COL4A2: variants seen among roughly 807,000 people sequenced by gnomAD.
COL4A2 encodes collagen type IV alpha 2 chain.
In COL4A2, 99 loss-of-function variants were observed where a neutral mutation model predicts 200.2. The ratio of observed to expected loss-of-function variants is 0.49; its 90% CI spans 0.42 to 0.58. The LOEUF (loss-of-function observed/expected upper bound fraction) is 0.58. COL4A2 is among the 20% of genes least tolerant of loss of function. The pLI is 0.00. For missense variants in COL4A2, 1,950 were observed against 2,314.1 expected (o/e 0.84, Z 3.23); for synonymous variants, 897 against 900.6 (o/e 1.00, Z 0.07).
intron 21 of COL4A2, chr13:110,457,777 G>A: frequency 2.0e-6 from 1 of 489,408 alleles, no homozygotes; most frequent in South Asian, 1.5e-5. Flanking sequence ...TGTCTCAAGG[G>A]CTCAGCTCCA....
intron 28 of COL4A2, among the ~76,000 whole-genome samples, chr13:110,471,436 A>C (rs1056612097): frequency 1.3e-5 from 2 of 152,210 alleles, no homozygotes; most frequent in African/African-American, 2.4e-5. Context: ...GTGCTGAAAT[A>C]TACTGCCCTT....
Position 110,491,302 on chromosome 13 carries a change from C to A in COL4A2, c.3416C>A (p.Thr1139Asn), listed in dbSNP as rs906087740. 2 of 1,597,556 alleles carry A rather than the reference C, an allele frequency of 1.3e-6. No homozygotes were observed. The highest frequency in any genetic ancestry group is 3.4e-5 in the Admixed American group (2 of 58,444). Reference protein sequence around the residue: ...DIGFPGITGVTGVQGPPGLKG... With the variant: ...DIGFPGITGVNGVQGPPGLKG... ...GGCTTCCCTGGGATAACAGGCGTGA[C>A]TGGAGTCCAAGGCCCTCCTGGACTT... The change falls in exon 37 of 48, where the codon ACT becomes AAT. Residue 1139 changes from threonine (T) to asparagine (N), a missense_variant. Around this residue, in one of 2 missense-constraint regions of COL4A2, gnomAD observed 1,385 missense variants for 1,720.5 expected, o/e 0.80. Transcript: ENST00000360467.
At chr13:110,373,364 C>T (rs188697878) in intron 4 of COL4A2, among the ~76,000 whole-genome samples, 2 of 152,282 alleles carry the variant, frequency 1.3e-5, no homozygotes, top group Admixed American at 6.5e-5. Flanking sequence ...ATCTTAAGAA[C>T]GTTTTAAATC....
At position 110,508,031 on chromosome 13, in the gene COL4A2, C is replaced by A. The variant is rs775127177; in HGVS notation, c.4691C>A (p.Ser1564Tyr). The A allele has an allele frequency of 1.1e-5, 17 of 1,614,136 alleles. No homozygotes were observed. The highest frequency in any genetic ancestry group is 1.4e-5 in the Non-Finnish European group (17 of 1,180,046). ...TACTATGCCAGCCGGAACGACAAGT[C>A]CTACTGGCTCTCTACCACTGCGCCG... ...VCYYASRNDK[S>Y]YWLSTTAPLP... is the part of the protein sequence containing the mutation. The change falls in exon 47 of 48, where the codon TCC (serine) becomes TAC (tyrosine). Residue 1564 changes from serine (S) to tyrosine (Y), a missense_variant. Around this residue, in one of 2 missense-constraint regions of COL4A2, gnomAD observed 1,385 missense variants for 1,720.5 expected, o/e 0.80. Transcript: ENST00000360467. The surrounding 1 kb of genome is among the most constrained non-coding windows in gnomAD (Gnocchi z 6.1).
At chr13:110,489,350 C>T (rs1435716832) in intron 34 of COL4A2, 95 bp from the exon 35 acceptor site, 22 of 1,208,058 alleles carry the variant, frequency 1.8e-5, no homozygotes, top group Admixed American at 6.9e-5. Flanking sequence ...TGAGTATTGT[C>T]GTTAGCATAC....
In COL4A2 at chr13:110,493,286, C is replaced by T. The variant is rs2274544; in HGVS notation, c.3634+4C>T. On this transcript the variant is annotated splice_donor_region_variant and intron_variant, in intron 39 of 47. Transcript: ENST00000360467. The stretch of plus-strand genomic sequence containing the variant: ...AAGGGCTTTCCAGGATCCCCAGGTA[C>T]TCTGTGCCGTCCCAGCCCCGAGTCC... 110,634 of 1,613,924 alleles carry T rather than the reference C, an allele frequency of 0.069. 5,526 individuals are homozygous for T. The highest frequency in any genetic ancestry group is 0.19 in the South Asian group (17,216 of 91,080).
At chr13:110,320,629 A>G (rs1885251312) in intron 3 of COL4A2, among the ~76,000 whole-genome samples, 1 of 152,242 alleles carries the variant, frequency 6.6e-6, no homozygotes, top group African/African-American at 2.4e-5. Context: ...TTCCCTCTGA[A>G]CAAAGTCTAA....
intron 16 of COL4A2, among the ~76,000 whole-genome samples, chr13:110,440,067 G>A (rs141923895): frequency 3.0e-4 from 45 of 152,132 alleles, no homozygotes; most frequent in Non-Finnish European, 5.3e-4. Context: ...CAAAGTGTCC[G>A]TCACTCGACC....
At chr13:110,430,651 G>A in intron 10 of COL4A2, 44 bp downstream of exon 10, 1 of 1,613,498 alleles carries the variant, frequency 6.2e-7, no homozygotes, top group South Asian at 1.1e-5. Flanking sequence ...CCATCGTCCG[G>A]TCATCCCTTC....
At position 110,512,301 on chromosome 13, in the gene COL4A2, A is replaced by C; in HGVS notation, c.*110A>C. The C allele has an allele frequency of 7.0e-7, 1 of 1,436,318 alleles. No individual in the cohort carries two copies. Among genetic ancestry groups the C allele is most frequent in the South Asian group, 1.5e-5 (1 of 67,904 alleles). The allele number at this position is 1,436,318 out of a possible 1,614,324, so 89.0% of individuals were successfully genotyped here. On this transcript the variant is annotated 3_prime_UTR_variant, in exon 48 of 48. Transcript: ENST00000360467. Reference sequence around the variant, plus strand: ...TTTCTTAAAAAAAAAAAAGTCTACCAAAGGAATTTGCATCCAGCAGCAGCA... The same window carrying C: ...TTTCTTAAAAAAAAAAAAGTCTACCCAAGGAATTTGCATCCAGCAGCAGCA...
intron 27 of COL4A2, among the ~76,000 whole-genome samples, chr13:110,467,807 G>A (rs1241566294): frequency 1.3e-5 from 2 of 152,244 alleles, no homozygotes; most frequent in Non-Finnish European, 2.9e-5. Context: ...ACCCTGAGAG[G>A]TGGCTCTATG....
chr13:110,465,178 T>C (rs928318917), intron 24 of COL4A2, among the ~76,000 whole-genome samples: 1 of 152,176 alleles, frequency 6.6e-6, no homozygotes, highest in Non-Finnish European at 1.5e-5. Flanking sequence ...AGCATGTACA[T>C]GTGCCTTCCA....
intron 40 of COL4A2, among the ~76,000 whole-genome samples, chr13:110,499,145 G>T (rs1883556580): frequency 6.6e-6 from 1 of 152,232 alleles, no homozygotes; most frequent in East Asian, 1.9e-4. Flanking sequence ...CAAAATATGG[G>T]AATAATTTGA....
At chr13:110,469,780 C>A (rs914781374) in intron 28 of COL4A2, among the ~76,000 whole-genome samples, 4 of 152,170 alleles carry the variant, frequency 2.6e-5, no homozygotes, top group African/African-American at 7.2e-5. Context: ...GTGAGGAGTA[C>A]CCACTTGCGT....
intron 18 of COL4A2, among the ~76,000 whole-genome samples, chr13:110,447,396 A>G (rs1190521678): frequency 1.3e-5 from 2 of 152,190 alleles, no homozygotes; most frequent in African/African-American, 4.8e-5. Context: ...CCACTGTCAC[A>G]GTTGACCTTG....
intron 4 of COL4A2, among the ~76,000 whole-genome samples, chr13:110,397,090 CA>C (rs1487243458): frequency 6.6e-6 from 1 of 152,188 alleles, no homozygotes; most frequent in Non-Finnish European, 1.5e-5. Context: ...GCAGGCCTGC[CA>C]AGACCACAGT....
intron 6 of COL4A2, among the ~76,000 whole-genome samples, chr13:110,426,300 T>G (rs972245740): frequency 6.6e-6 from 1 of 152,192 alleles, no homozygotes; most frequent in Admixed American, 6.5e-5. Context: ...TTCCTTCATG[T>G]TTCCACTTTA....
intron 3 of COL4A2, among the ~76,000 whole-genome samples, chr13:110,342,601 G>A (rs1022161707): frequency 5.9e-5 from 9 of 152,108 alleles, no homozygotes; most frequent in Non-Finnish European, 8.8e-5. Flanking sequence ...TCATCCTAAC[G>A]GCAACCCCAG....
chr13:110,343,386 A>G (rs1876548878), intron 3 of COL4A2, among the ~76,000 whole-genome samples: 2 of 152,208 alleles, frequency 1.3e-5, no homozygotes, highest in South Asian at 2.1e-4. Context: ...CAGAGAAAAA[A>G]CTACCGAGTG....
Sources: allele counts gnomAD v4.1 joint callset (sites outside exome capture counted in the v4.1 genomes callset), GRCh38; gene constraint gnomAD v4.1.1; regional missense constraint gnomAD v4.1.1; non-coding constraint Gnocchi (gnomAD v3.1); transcripts MANE v1.5; gene names NCBI Gene and HGNC (gene_info 2026-07-23, HGNC 2026-07-21).